Variants in RHOH observed in about 807,000 individuals in gnomAD.
The protein encoded by RHOH is ras homolog family member H, also known as rho-related GTP-binding protein RhoH.
Under a neutral mutation model 13.8 loss-of-function variants are expected in RHOH, and 6 were observed. That is an observed-to-expected ratio of 0.44 (90% CI 0.24 to 0.86). The LOEUF (loss-of-function observed/expected upper bound fraction) is 0.86, where lower values mean the gene tolerates loss of function less well. Ranked by LOEUF, RHOH falls within the 40% of genes least tolerant of loss-of-function variation. The pLI, the probability that RHOH is intolerant of heterozygous loss-of-function variation, is 0.24. For missense variants in RHOH, 147 were observed against 244.5 expected, an observed-to-expected ratio of 0.60 and a Z score of 2.66; for synonymous variants, 117 against 103.0, an observed-to-expected ratio of 1.14 and a Z score of -0.82.
chr4:40,237,381 G>A (rs1728709368), intron 1 of RHOH, among the ~76,000 whole-genome samples: 1 of 152,170 alleles, frequency 6.6e-6, no homozygotes, highest in Non-Finnish European at 1.5e-5. Flanking sequence ...CTTGAACCCG[G>A]GAGGTGGAGG....
chr4:40,232,595 A>G (rs6832249), intron 1 of RHOH, among the ~76,000 whole-genome samples: 94,856 of 151,312 alleles, frequency 0.63, 30,669 homozygotes, highest in Non-Finnish European at 0.7. Flanking sequence ...ATTTTAATTG[A>G]CTGTTAACTG....
chr4:40,223,012 G>C (rs1726772194), intron 1 of RHOH, among the ~76,000 whole-genome samples: 1 of 152,202 alleles, frequency 6.6e-6, no homozygotes, highest in Non-Finnish European at 1.5e-5. Context: ...AGGAGCAAGA[G>C]AGCTAGAATT....
intron 1 of RHOH, among the ~76,000 whole-genome samples, chr4:40,215,810 C>T (rs1725808747): frequency 6.6e-6 from 1 of 152,150 alleles, no homozygotes; most frequent in Non-Finnish European, 1.5e-5. Flanking sequence ...ATCCCAGCTA[C>T]TCAGGAGACT....
chr4:40,243,542 C>T lies in RHOH; in HGVS notation c.156C>T (p.Ile52=), dbSNP rs764016986. 1 of 1,614,136 alleles carries T rather than the reference C, an allele frequency of 6.2e-7. No individual in the cohort carries two copies. Residue 52 remains isoleucine, a synonymous_variant, in exon 3 of 3, where the codon ATC becomes ATT. Coordinates refer to ENST00000381799, the MANE Select transcript of RHOH (RefSeq NM_004310.5). This position sits in a 1 kb window ranked among gnomAD's most constrained non-coding sequence, Gnocchi z 6.2. ...GVDVFMDGIQ[I]SLGLWDTAGN... is the part of the protein sequence containing the mutation. ...ACGTCTTCATGGATGGCATCCAGAT[C>T]AGCCTGGGCCTCTGGGACACAGCCG... is the stretch of plus-strand genomic sequence containing the variant.
chr4:40,196,382 GC>G (rs981115114), upstream of RHOH, among the ~76,000 whole-genome samples: 1 of 152,108 alleles, frequency 6.6e-6, no homozygotes, highest in Non-Finnish European at 1.5e-5. Flanking sequence ...CACCTGGATT[GC>G]CCATTAGGAC....
chr4:40,211,068 C>G (rs763425155), intron 1 of RHOH, among the ~76,000 whole-genome samples: 12 of 152,216 alleles, frequency 7.9e-5, no homozygotes, highest in Admixed American at 5.9e-4. Context: ...AATTAATGAA[C>G]AGCTTACTTT....
At chr4:40,228,346 A>T (rs1727492700) in intron 1 of RHOH, among the ~76,000 whole-genome samples, 1 of 152,174 alleles carries the variant, frequency 6.6e-6, no homozygotes, top group African/African-American at 2.4e-5. Flanking sequence ...TCTTCTTTGG[A>T]TCAGTGTTTT....
intron 1 of RHOH, among the ~76,000 whole-genome samples, chr4:40,197,966 T>G (rs1723429465): frequency 6.6e-6 from 1 of 152,332 alleles, no homozygotes; most frequent in Admixed American, 6.5e-5. Context: ...CATTGACGTA[T>G]TCAAGCAGGC....
Position 40,243,653 on chromosome 4 carries a change from C to T in RHOH, c.267C>T (p.Asn89=), listed in dbSNP as rs761071943. The T allele has an allele frequency of 6.2e-7, 1 of 1,614,092 alleles. No homozygotes were observed. Among genetic ancestry groups the T allele is most frequent in the African/African-American group, 1.3e-5 (1 of 74,942 alleles). ...TGTGCTACTCTGTGGCCAACCATAACTCATTCCTGAACTTGAAGAACAAGT... is the reference window on the plus strand; with the variant it reads ...TGTGCTACTCTGTGGCCAACCATAATTCATTCCTGAACTTGAAGAACAAGT... ...VLMCYSVANH[N]SFLNLKNKWI... The change falls in exon 3 of 3, where the codon AAC becomes AAT. Residue 89 remains asparagine, a synonymous_variant. Coordinates refer to ENST00000381799, the MANE Select transcript of RHOH (RefSeq NM_004310.5). The surrounding 1 kb of genome is among the most constrained non-coding windows in gnomAD (Gnocchi z 6.2).
intron 1 of RHOH, among the ~76,000 whole-genome samples, chr4:40,233,960 A>AAAATAAAATAAAATAAAATG (rs1728255108): frequency 6.6e-6 from 1 of 150,714 alleles, no homozygotes; most frequent in Admixed American, 6.6e-5. Flanking sequence ...AAAATAAAAT[A>AAAATAAAATAAAATAAAATG]AAATGAAATA....
At chr4:40,224,525 G>C (rs1376868709) in intron 1 of RHOH, among the ~76,000 whole-genome samples, 1 of 152,200 alleles carries the variant, frequency 6.6e-6, no homozygotes. Flanking sequence ...GAAGTAAGGG[G>C]GTATATCATT....
chr4:40,191,304 G>T (rs1054975829), upstream of RHOH: 6 of 152,174 alleles, frequency 3.9e-5, no homozygotes, highest in African/African-American at 1.4e-4. Context: ...TTGATTTTAG[G>T]AGACAGCCAT....
At chr4:40,231,855 G>A (rs1163102465) in intron 1 of RHOH, among the ~76,000 whole-genome samples, 4 of 152,314 alleles carry the variant, frequency 2.6e-5, no homozygotes, top group African/African-American at 9.6e-5. Context: ...TCTGGGCTCC[G>A]CCTTTTAGCC....
At chr4:40,233,659 C>T (rs1728212421) in intron 1 of RHOH, among the ~76,000 whole-genome samples, 1 of 152,194 alleles carries the variant, frequency 6.6e-6, no homozygotes, top group Admixed American at 6.5e-5. Context: ...TCATAGGCAA[C>T]ATGTCAATGA....
intron 1 of RHOH, among the ~76,000 whole-genome samples, chr4:40,235,547 G>A (rs1304126553): frequency 3.1e-5 from 4 of 130,486 alleles, no homozygotes; most frequent in South Asian, 2.4e-4. Context: ...CTGAGATTGC[G>A]CCATTGCATT....
intron 1 of RHOH, among the ~76,000 whole-genome samples, chr4:40,229,634 C>CAAAA (rs367803825): frequency 3.2e-5 from 2 of 62,826 alleles, no homozygotes; most frequent in East Asian, 9.9e-4. Context: ...AACGCCATCT[C>CAAAA]AAAAAAAAAA....
At chr4:40,199,155 T>C (rs1364089799) in intron 1 of RHOH, among the ~76,000 whole-genome samples, 1 of 151,794 alleles carries the variant, frequency 6.6e-6, no homozygotes, top group Non-Finnish European at 1.5e-5. Flanking sequence ...TAACTGAAAA[T>C]ACCTACCTCA....
At chr4:40,194,667 C>T (rs148392500), upstream of RHOH, among the ~76,000 whole-genome samples, 9 of 152,318 alleles carry the variant, frequency 5.9e-5, no homozygotes, top group African/African-American at 1.7e-4. Context: ...TGAGCCACTG[C>T]GCCCGGCCCA....
chr4:40,215,544 T>G, intron 1 of RHOH, among the ~76,000 whole-genome samples: 1 of 152,150 alleles, frequency 6.6e-6, no homozygotes, highest in South Asian at 2.1e-4. Context: ...GTAATGCCCC[T>G]CTCCAGTTTC....
Sources: allele counts gnomAD v4.1 joint callset (sites outside exome capture counted in the v4.1 genomes callset), GRCh38; gene constraint gnomAD v4.1.1; non-coding constraint Gnocchi (gnomAD v3.1); transcripts MANE v1.5; gene names NCBI Gene and HGNC (gene_info 2026-07-23, HGNC 2026-07-21).